PRKCE: variants seen among roughly 807,000 people sequenced by gnomAD.
PRKCE encodes the protein protein kinase C epsilon type.
PRKCE carries 16 observed loss-of-function variants against 85.4 expected under a neutral mutation model. The ratio of observed to expected loss-of-function variants is 0.19; its 90% confidence interval spans 0.13 to 0.28. The LOEUF is 0.28. Among genes scored for constraint, PRKCE ranks in the 10% least tolerant of loss-of-function variants. The pLI is 1.00. For missense variants in PRKCE, 573 were observed against 975.2 expected (o/e 0.59, Z 5.49); for synonymous variants, 388 against 371.5 (o/e 1.04, Z -0.51).
chr2:46,077,689 T>C (rs1346506156), intron 10 of PRKCE, among the ~76,000 whole-genome samples: 1 of 152,242 alleles, frequency 6.6e-6, no homozygotes, highest in Non-Finnish European at 1.5e-5. Context: ...TTTTTGTTAT[T>C]ATTACATAGG....
At chr2:45,842,850 C>T (rs1691469974) in intron 1 of PRKCE, 150 bp from the exon 2 acceptor site, 1 of 739,636 alleles carries the variant, frequency 1.4e-6, no homozygotes, top group Non-Finnish European at 2.4e-6. Context: ...CCCAGGTCTG[C>T]ATCTCACCTA....
At chr2:45,966,901 G>A (rs1701769731) in intron 2 of PRKCE, among the ~76,000 whole-genome samples, 2 of 152,158 alleles carry the variant, frequency 1.3e-5, no homozygotes, top group South Asian at 4.1e-4. Flanking sequence ...CCTCAGTGAG[G>A]CATTGTTGGC....
At chr2:45,949,726 A>G (rs574536459) in intron 2 of PRKCE, among the ~76,000 whole-genome samples, 1 of 152,194 alleles carries the variant, frequency 6.6e-6, no homozygotes, top group East Asian at 1.9e-4. Flanking sequence ...TTTGACAACC[A>G]TGGACCTAGG....
intron 14 of PRKCE, among the ~76,000 whole-genome samples, chr2:46,160,783 G>A (rs969104749): frequency 3.3e-5 from 5 of 152,110 alleles, no homozygotes; most frequent in Non-Finnish European, 5.9e-5. Context: ...GAGGAATTCC[G>A]TTCTATTCAA....
intron 1 of PRKCE, among the ~76,000 whole-genome samples, chr2:45,762,011 G>A (rs185809560): frequency 1.3e-5 from 2 of 152,254 alleles, no homozygotes; most frequent in Admixed American, 1.3e-4. Flanking sequence ...CTCCCAACCT[G>A]GGTTTCCATC....
intron 2 of PRKCE, among the ~76,000 whole-genome samples, chr2:45,854,271 G>A (rs1380559539): frequency 6.6e-6 from 1 of 152,198 alleles, no homozygotes; most frequent in Non-Finnish European, 1.5e-5. Context: ...CAAGTATGGG[G>A]ACAAGGACTG....
intron 13 of PRKCE, among the ~76,000 whole-genome samples, chr2:46,157,123 C>CCA (rs1677290194): frequency 1.3e-5 from 2 of 152,192 alleles, no homozygotes; most frequent in Non-Finnish European, 2.9e-5. Flanking sequence ...TGAATCACTG[C>CCA]AGAGGACTCT....
chr2:45,715,553 G>C (rs1383301713), intron 1 of PRKCE, among the ~76,000 whole-genome samples: 1 of 152,198 alleles, frequency 6.6e-6, no homozygotes, highest in Non-Finnish European at 1.5e-5. Context: ...AGGAGCAAGA[G>C]ACTCCTGCTC....
intron 2 of PRKCE, among the ~76,000 whole-genome samples, chr2:45,938,045 A>G (rs1276274680): frequency 6.6e-6 from 1 of 151,934 alleles, no homozygotes; most frequent in Non-Finnish European, 1.5e-5. Context: ...GAGGGTCCCG[A>G]CCCTTCCCCT....
At chr2:45,795,827 C>T (rs1452347296) in intron 1 of PRKCE, among the ~76,000 whole-genome samples, 2 of 152,156 alleles carry the variant, frequency 1.3e-5, no homozygotes, top group Non-Finnish European at 2.9e-5. Flanking sequence ...CAGAGCAGAG[C>T]TCGGCAATGC....
chr2:45,741,730 G>GCAAGGCTA (rs139038758), intron 1 of PRKCE, among the ~76,000 whole-genome samples: 8,794 of 152,248 alleles, frequency 0.058, 846 homozygotes, highest in African/African-American at 0.2. Context: ...AAGGGGTGGT[G>GCAAGGCTA]CAAGGCTAGT....
At chr2:45,791,226 T>C (rs1340041348) in intron 1 of PRKCE, among the ~76,000 whole-genome samples, 1 of 152,192 alleles carries the variant, frequency 6.6e-6, no homozygotes, top group East Asian at 1.9e-4. Flanking sequence ...TAAGTCCTTT[T>C]TACATATTGA....
rs114932488 is a variant in PRKCE, at chr2:46,099,127, G to A, written c.1592+12765G>A. 6.7e-3 allele frequency among the ~76,000 whole-genome samples: 1,014 copies of A among 152,190 alleles called. 19 individuals carry two copies. The highest frequency in any genetic ancestry group is 0.023 in the African/African-American group (942 of 41,498). ...AATTCATTCTGGTAAGCAAGGAGCT[G>A]GGTTGCTTTCTTGCTCAGAAGCCTG... On this transcript the variant is annotated intron_variant, in intron 11 of 14. Transcript: ENST00000306156.
chr2:45,862,183 T>TACACACAC (rs6146747), intron 2 of PRKCE, among the ~76,000 whole-genome samples: 364 of 144,006 alleles, frequency 2.5e-3, no homozygotes, highest in Middle Eastern at 7.1e-3. Context: ...TCTTCTTGTA[T>TACACACAC]ACACACACAC....
intron 2 of PRKCE, among the ~76,000 whole-genome samples, chr2:45,869,937 ACCT>A (rs1693952143): frequency 6.6e-6 from 1 of 151,158 alleles, no homozygotes; most frequent in African/African-American, 2.4e-5. Flanking sequence ...TGAACTCCTG[ACCT>A]CCTGGTCTGT....
chr2:46,112,828 A>G (rs1672402118), intron 11 of PRKCE, among the ~76,000 whole-genome samples: 1 of 151,666 alleles, frequency 6.6e-6, no homozygotes, highest in Non-Finnish European at 1.5e-5. Context: ...CCTCTTTATC[A>G]CTGTTTTCTA....
At chr2:45,931,807 A>T (rs1342031143) in intron 2 of PRKCE, among the ~76,000 whole-genome samples, 1 of 152,044 alleles carries the variant, frequency 6.6e-6, no homozygotes, top group Non-Finnish European at 1.5e-5. Context: ...CCCGGGTTGC[A>T]GCGATTCTCG....
intron 2 of PRKCE, among the ~76,000 whole-genome samples, chr2:45,858,337 A>C (rs1558759564): frequency 6.6e-6 from 1 of 152,076 alleles, no homozygotes. Flanking sequence ...GTACTGCATG[A>C]GGCCTTCGTC....
intron 10 of PRKCE, among the ~76,000 whole-genome samples, chr2:46,057,143 G>T (rs1666661100): frequency 2.0e-5 from 3 of 152,238 alleles, no homozygotes; most frequent in African/African-American, 4.8e-5. Flanking sequence ...CAGTCAAGCT[G>T]CTCACGTGGT....
Sources: allele counts gnomAD v4.1 joint callset (sites outside exome capture counted in the v4.1 genomes callset), GRCh38; gene constraint gnomAD v4.1.1; transcripts MANE v1.5; gene names NCBI Gene and HGNC (gene_info 2026-07-23, HGNC 2026-07-21).